Variants in PCDHA2 observed in about 807,000 individuals in gnomAD.
PCDHA2 encodes protocadherin alpha-2.
PCDHA2 carries 58 observed loss-of-function variants against 66.0 expected under a neutral mutation model. The observed-to-expected ratio is 0.88, with a 90% CI of 0.71 to 1.09. The LOEUF is 1.09. Ranked by LOEUF, PCDHA2 falls within the 50% of genes least tolerant of loss-of-function variation. PCDHA2 has a pLI of 0.00. For missense variants in PCDHA2, 1,267 were observed against 1,242.3 expected (o/e 1.02, Z -0.30); for synonymous variants, 634 against 554.0 (o/e 1.14, Z -2.03).
At chr5:140,984,157 C>G (rs1187103463) in intron 3 of PCDHA2, among the ~76,000 whole-genome samples, 1 of 152,228 alleles carries the variant, frequency 6.6e-6, no homozygotes, top group Non-Finnish European at 1.5e-5. Flanking sequence ...AAGGTGAGAA[C>G]TTCCCAAAGA....
rs782074489 is a variant in PCDHA2, at chr5:140,802,254, CA to C, written c.2388+4904del. ...TGATAATGTACCTGAGTTAGTTATT[CA>C]ATCACTATCTTTACCTGTATTAGAA... is the stretch of plus-strand genomic sequence containing the variant. On this transcript the variant is annotated intron_variant, in intron 1 of 3. Coordinates refer to ENST00000526136, the MANE Select transcript of PCDHA2 (RefSeq NM_018905.3). 1.9e-6 allele frequency: 3 copies of C among 1,614,102 alleles called. No homozygotes were observed. The African/African-American group carries it at 4.0e-5, about 22-fold the overall frequency.
At chr5:140,978,910 T>C in intron 1 of PCDHA2, 39 bp from the exon 2 acceptor site, 1 of 1,613,896 alleles carries the variant, frequency 6.2e-7, no homozygotes, top group Non-Finnish European at 8.5e-7. Context: ...GAACATTGTC[T>C]TGTCATTTTA....
chr5:140,964,139 A>G (rs1396740282), intron 1 of PCDHA2, among the ~76,000 whole-genome samples: 1 of 152,242 alleles, frequency 6.6e-6, no homozygotes, highest in Non-Finnish European at 1.5e-5. Flanking sequence ...TAAGGTTGGC[A>G]GGAGCCTCAG....
chr5:141,010,030 C>CTAG lies in PCDHA2; in HGVS notation c.*93_*94insTAG. The stretch of plus-strand genomic sequence containing the variant: ...ATTCCCTGCTCCTTTTTCCTATCTA[C>CTAG]ATGAGCCCTCTTAGAGACCTCAGAA... On this transcript the variant is annotated 3_prime_UTR_variant, in exon 4 of 4. Coordinates refer to ENST00000526136, the MANE Select transcript of PCDHA2 (RefSeq NM_018905.3). 1 of 1,580,910 alleles carries CTAG rather than the reference C, an allele frequency of 6.3e-7. No homozygotes were observed. Among genetic ancestry groups the CTAG allele is most frequent in the Admixed American group, 1.8e-5 (1 of 54,776 alleles).
intron 1 of PCDHA2, among the ~76,000 whole-genome samples, chr5:140,895,075 A>C (rs1309295177): frequency 6.6e-6 from 1 of 152,102 alleles, no homozygotes; most frequent in Admixed American, 6.5e-5. Flanking sequence ...AATTCCTATC[A>C]GTTCCTCCTC....
intron 1 of PCDHA2, among the ~76,000 whole-genome samples, chr5:140,945,754 G>T (rs1206591237): frequency 1.3e-5 from 2 of 152,078 alleles, no homozygotes; most frequent in African/African-American, 4.8e-5. Context: ...TTCAATAAAT[G>T]GTGGTGGGAC....
Position 140,978,948 on chromosome 5 carries a change from G to A in PCDHA2, c.2389-1G>A, listed in dbSNP as rs1554239939. On this transcript the variant is annotated splice_acceptor_variant, in intron 1 of 3. Transcript: ENST00000526136. LOFTEE classifies it high-confidence loss of function. ...AGAAAACTCTCTTTGTGATTTTGCA[G>A]CCACGACAGCCCAACCCTGACTGGC... is the stretch of plus-strand genomic sequence containing the variant. 1 of 1,614,128 alleles carries A rather than the reference G, an allele frequency of 6.2e-7. No individual in the cohort carries two copies. The highest frequency in any genetic ancestry group is 8.5e-7 in the Non-Finnish European group (1 of 1,180,018).
chr5:141,000,395 C>CTCTA (rs1213762225), intron 3 of PCDHA2, among the ~76,000 whole-genome samples: 16 of 53,972 alleles, frequency 3.0e-4, no homozygotes, highest in East Asian at 6.1e-4. Context: ...CTCTCTCTCT[C>CTCTA]TATATATATA....
At chr5:140,997,533 A>G (rs1247028089) in intron 3 of PCDHA2, among the ~76,000 whole-genome samples, 1 of 152,230 alleles carries the variant, frequency 6.6e-6, no homozygotes, top group Non-Finnish European at 1.5e-5. Context: ...CAATAAAAAT[A>G]CATTATTATA....
At position 140,809,028 on chromosome 5, in the gene PCDHA2, G is replaced by C. The variant is rs139851359; in HGVS notation, c.2388+11676G>C. 3.1e-6 allele frequency: 5 copies of C among 1,613,720 alleles called. No individual in the cohort carries two copies. The African/African-American group carries it at 6.7e-5, about 22-fold the overall frequency. On this transcript the variant is annotated intron_variant, in intron 1 of 3. Coordinates refer to ENST00000526136, the MANE Select transcript of PCDHA2 (RefSeq NM_018905.3). ...TGGCTTTCGTACGAGCTGCAGCCGGGGACTGGTGGCGCGCGCATCCCGTTC... is the reference window on the plus strand; with the variant it reads ...TGGCTTTCGTACGAGCTGCAGCCGGCGACTGGTGGCGCGCGCATCCCGTTC...
intron 1 of PCDHA2, among the ~76,000 whole-genome samples, chr5:140,914,715 T>A (rs1554196547): frequency 6.6e-6 from 1 of 152,162 alleles, no homozygotes; most frequent in Non-Finnish European, 1.5e-5. Flanking sequence ...TTCTTGTTTT[T>A]TATTTTTTGT....
chr5:140,838,729 A>G (rs2150291864), intron 1 of PCDHA2, among the ~76,000 whole-genome samples: 7 of 152,120 alleles, frequency 4.6e-5, no homozygotes, highest in Non-Finnish European at 8.8e-5. Flanking sequence ...TCAGTCTAGT[A>G]GTTTGAGACC....
At chr5:140,975,634 A>G (rs1457671890) in intron 1 of PCDHA2, among the ~76,000 whole-genome samples, 4 of 152,244 alleles carry the variant, frequency 2.6e-5, no homozygotes, top group African/African-American at 9.6e-5. Context: ...TGGTACGAAG[A>G]TAGCATATTA....
At chr5:140,850,104 G>A (rs2150467227) in intron 1 of PCDHA2, 1 of 1,596,106 alleles carries the variant, frequency 6.3e-7, no homozygotes, top group Non-Finnish European at 8.6e-7. Flanking sequence ...CCAGGTGAGC[G>A]CGCGCGACGC....
intron 1 of PCDHA2, among the ~76,000 whole-genome samples, chr5:140,798,290 G>A (rs1762312109): frequency 6.6e-6 from 1 of 152,154 alleles, no homozygotes; most frequent in African/African-American, 2.4e-5. Context: ...CTAATCTTAA[G>A]TATGTTTTTT....
intron 1 of PCDHA2, among the ~76,000 whole-genome samples, chr5:140,820,542 A>G (rs1766778252): frequency 1.3e-5 from 2 of 152,044 alleles, no homozygotes; most frequent in Admixed American, 6.5e-5. Flanking sequence ...TCTTCAATAG[A>G]AAACTTGGTG....
In PCDHA2 at chr5:140,851,110, A is replaced by G. The variant is rs2041963644; in HGVS notation, c.2388+53758A>G. On this transcript the variant is annotated intron_variant, in intron 1 of 3. Transcript: ENST00000526136. ...TAAATAGATATTTTTTGGGTGCTGA[A>G]TCAATTTTATTTAAATTTGTGATTA... 1.5e-6 allele frequency: 2 copies of G among 1,302,324 alleles called. 1 individual carries two copies. The highest frequency in any genetic ancestry group is 2.0e-6 in the Non-Finnish European group (2 of 1,004,926). 80.7% of individuals were successfully genotyped at this position (1,302,324 alleles called of 1,614,324 possible). A position where few individuals can be genotyped will look rare whatever the true frequency, so the allele number is the denominator to read the frequency against.
At chr5:140,970,006 A>G (rs2096376265) in intron 1 of PCDHA2, among the ~76,000 whole-genome samples, 1 of 152,158 alleles carries the variant, frequency 6.6e-6, no homozygotes, top group Non-Finnish European at 1.5e-5. Context: ...GAGGGAGTGG[A>G]TGATGGTGAG....
chr5:140,809,668 A>G (rs1303079080), intron 1 of PCDHA2: 11 of 1,453,082 alleles, frequency 7.6e-6, no homozygotes, highest in Admixed American at 2.3e-5. Context: ...TCCCTGGGTT[A>G]AAATTTTACC....
Sources: gnomAD v4.1 joint callset for allele counts (sites outside exome capture counted in the v4.1 genomes callset) on GRCh38, gnomAD v4.1.1 for gene constraint, MANE v1.5 for transcripts, NCBI Gene and HGNC (gene_info 2026-07-23, HGNC 2026-07-21) for gene names.